PALLD: variants seen among roughly 807,000 people sequenced by gnomAD.
PALLD encodes the protein palladin.
A neutral mutation model predicts 123.5 loss-of-function variants in PALLD; 61 were observed. That is an observed-to-expected ratio of 0.49 (90% CI 0.40 to 0.61). The LOEUF (loss-of-function observed/expected upper bound fraction) is 0.61. Ranked by LOEUF, PALLD falls within the 20% of genes least tolerant of loss-of-function variation. The pLI is 0.00. For synonymous variants in PALLD, 465 were observed against 496.4 expected (o/e 0.94, Z 0.84); for missense variants, 1,273 against 1,377.0 (o/e 0.92, Z 1.20).
intron 2 of PALLD, among the ~76,000 whole-genome samples, chr4:168,647,648 GT>G (rs1777601307): frequency 1.3e-5 from 2 of 152,018 alleles, no homozygotes; most frequent in Admixed American, 6.5e-5. Flanking sequence ...GGGCATGGTA[GT>G]GCACACCTGT....
chr4:168,839,992 C>G (rs1251302424), intron 10 of PALLD, among the ~76,000 whole-genome samples: 1 of 152,118 alleles, frequency 6.6e-6, no homozygotes, highest in East Asian at 1.9e-4. Flanking sequence ...AGTGAAACCT[C>G]AAATAGATTG....
At chr4:168,539,201 A>G (rs1263249241) in intron 2 of PALLD, among the ~76,000 whole-genome samples, 1 of 152,202 alleles carries the variant, frequency 6.6e-6, no homozygotes, top group Non-Finnish European at 1.5e-5. Flanking sequence ...AGAGAAATTA[A>G]GTAACTTTTC....
At chr4:168,665,820 G>A (rs1025271481) in intron 2 of PALLD, among the ~76,000 whole-genome samples, 4 of 152,152 alleles carry the variant, frequency 2.6e-5, no homozygotes, top group African/African-American at 9.7e-5. Flanking sequence ...AAAAGCAGGA[G>A]TGGGGAATCA....
intron 2 of PALLD, among the ~76,000 whole-genome samples, chr4:168,595,226 C>T (rs1771857279): frequency 6.6e-6 from 1 of 152,156 alleles, no homozygotes; most frequent in Non-Finnish European, 1.5e-5. Flanking sequence ...GTTTCTTTAA[C>T]AATACCTGTT....
At chr4:168,733,148 G>A (rs1395637582) in intron 10 of PALLD, among the ~76,000 whole-genome samples, 1 of 152,056 alleles carries the variant, frequency 6.6e-6, no homozygotes, top group Non-Finnish European at 1.5e-5. Context: ...TGAGATATCT[G>A]TCACCTCAAA....
At chr4:168,663,106 T>C (rs1447276053) in intron 2 of PALLD, among the ~76,000 whole-genome samples, 1 of 152,258 alleles carries the variant, frequency 6.6e-6, no homozygotes, top group Non-Finnish European at 1.5e-5. Flanking sequence ...GTAAGCATAT[T>C]CTTCTTTGAT....
At chr4:168,801,233 A>T (rs900856893) in intron 10 of PALLD, among the ~76,000 whole-genome samples, 1 of 152,162 alleles carries the variant, frequency 6.6e-6, no homozygotes, top group African/African-American at 2.4e-5. Context: ...AGTGGTTACA[A>T]TCTGGGTGTT....
At chr4:168,656,249 C>G (rs546401748) in intron 2 of PALLD, among the ~76,000 whole-genome samples, 2 of 111,350 alleles carry the variant, frequency 1.8e-5, no homozygotes, top group Non-Finnish European at 3.4e-5. Context: ...CCCCCCACCC[C>G]CCACCCCCAA....
chr4:168,735,686 T>A (rs116195341), intron 10 of PALLD, among the ~76,000 whole-genome samples: 3,616 of 152,294 alleles, frequency 0.024, 125 homozygotes, highest in African/African-American at 0.073. Flanking sequence ...TCAACAATCA[T>A]GTTGGTGAAA....
chr4:168,790,514 A>G (rs911093634), intron 10 of PALLD, among the ~76,000 whole-genome samples: 8 of 152,102 alleles, frequency 5.3e-5, no homozygotes, highest in Admixed American at 2.6e-4. Context: ...ATTGTCATCT[A>G]ACATGAGGTA....
chr4:168,658,284 G>GTTTTTTT lies in PALLD; in HGVS notation c.909-9906_909-9905insTTTTTTT, dbSNP rs755942969. ...TTTTGTTGGTGGTGGGTTTTTATTTGGTTTTTTTTTTTTTTTTTGTGATGA... is the reference window on the plus strand; with the variant it reads ...TTTTGTTGGTGGTGGGTTTTTATTTGTTTTTTTGTTTTTTTTTTTTTTTTTGTGATGA... On this transcript the variant is annotated intron_variant, in intron 2 of 21. Coordinates refer to ENST00000505667, the MANE Select transcript of PALLD (RefSeq NM_001166108.2). Among the ~76,000 whole-genome samples the GTTTTTTT allele has an allele frequency of 2.1e-3, 248 of 120,662 alleles. 4 individuals carry two copies. Among genetic ancestry groups the GTTTTTTT allele is most frequent in the Admixed American group, 2.8e-3 (33 of 11,726 alleles). 79.2% of individuals were successfully genotyped at this position (120,662 alleles called of 152,430 possible).
At chr4:168,849,627 T>C (rs934837226) in intron 10 of PALLD, among the ~76,000 whole-genome samples, 3 of 152,252 alleles carry the variant, frequency 2.0e-5, no homozygotes, top group East Asian at 1.9e-4. Context: ...TTTATCATTA[T>C]TGATGGAAAG....
intron 8 of PALLD, among the ~76,000 whole-genome samples, chr4:168,707,014 G>A (rs1489922574): frequency 6.6e-6 from 1 of 152,120 alleles, no homozygotes; most frequent in African/African-American, 2.4e-5. Flanking sequence ...TTAATTTGAT[G>A]TATAGGTAAA....
At chr4:168,833,506 G>T (rs987652764) in intron 10 of PALLD, among the ~76,000 whole-genome samples, 12 of 152,150 alleles carry the variant, frequency 7.9e-5, no homozygotes, top group African/African-American at 2.9e-4. Flanking sequence ...AAGCTTCAGA[G>T]ACATGGAATA....
chr4:168,927,572 A>AAAAC lies in PALLD; in HGVS notation c.*1394_*1397dup, dbSNP rs1331118586. ...GGAAGTGGAGACATAAGGAGAGACA[A>AAAAC]AAACAGGTTTGTGCCATAAAGTATT... is the stretch of plus-strand genomic sequence containing the variant. On this transcript the variant is annotated 3_prime_UTR_variant, in exon 22 of 22. Transcript: ENST00000505667. The AAAAC allele has an allele frequency of 1.7e-5, 4 of 230,414 alleles. No homozygotes were observed. The highest frequency in any genetic ancestry group is 1.7e-4 in the Admixed American group (3 of 17,692). The allele number at this position is 230,414 out of a possible 1,614,324, so 14.3% of individuals were successfully genotyped here. A position where few individuals can be genotyped will look rare whatever the true frequency, so the allele number is the denominator to read the frequency against.
chr4:168,615,288 A>T (rs1487829404), intron 2 of PALLD, among the ~76,000 whole-genome samples: 1 of 152,192 alleles, frequency 6.6e-6, no homozygotes, highest in Non-Finnish European at 1.5e-5. Context: ...AATAAATATG[A>T]TTTTTGTAAC....
At position 168,927,360 on chromosome 4, in the gene PALLD, A is replaced by G. The variant is rs191753562; in HGVS notation, c.*1180A>G. On this transcript the variant is annotated 3_prime_UTR_variant, in exon 22 of 22. Transcript: ENST00000505667. ...AAAAAACACTGCCATTCACAAGTCA[A>G]GGAACCCAGGGCCAGCTGGAAGTGT... is the stretch of plus-strand genomic sequence containing the variant. The G allele has an allele frequency of 7.7e-5, 18 of 232,746 alleles. No homozygotes were observed. The highest frequency in any genetic ancestry group is 1.3e-4 in the Non-Finnish European group (15 of 117,588). The allele number at this position is 232,746 out of a possible 1,614,324, so 14.4% of individuals were successfully genotyped here. A position where few individuals can be genotyped will look rare whatever the true frequency, so the allele number is the denominator to read the frequency against.
intron 15 of PALLD, among the ~76,000 whole-genome samples, chr4:168,907,120 T>G (rs537996702): frequency 6.6e-6 from 1 of 151,766 alleles, no homozygotes; most frequent in Non-Finnish European, 1.5e-5. Context: ...AAAATGAGGA[T>G]GATAATAATA....
At chr4:168,588,898 T>C (rs1771118900) in intron 2 of PALLD, among the ~76,000 whole-genome samples, 1 of 152,074 alleles carries the variant, frequency 6.6e-6, no homozygotes, top group Admixed American at 6.5e-5. Context: ...AGTATTCTCC[T>C]CTATGAAATA....
Sources: allele counts gnomAD v4.1 joint callset (sites outside exome capture counted in the v4.1 genomes callset), GRCh38; gene constraint gnomAD v4.1.1; transcripts MANE v1.5; gene names NCBI Gene and HGNC (gene_info 2026-07-23, HGNC 2026-07-21).